ABAT: variants seen among roughly 807,000 people sequenced by gnomAD.
ABAT encodes the protein 4-aminobutyrate aminotransferase.
Under a neutral mutation model 64.6 loss-of-function variants are expected in ABAT, and 45 were observed. The ratio of observed to expected loss-of-function variants is 0.70; its 90% CI spans 0.55 to 0.89. The LOEUF (loss-of-function observed/expected upper bound fraction) is 0.89. Ranked by LOEUF, ABAT falls within the 40% of genes least tolerant of loss-of-function variation. The pLI is 0.00. For synonymous variants in ABAT, 297 were observed against 250.5 expected (o/e 1.19, Z -1.75); for missense variants, 633 against 658.4 (o/e 0.96, Z 0.42).
At chr16:8,740,733 A>C (rs903234968) in intron 2 of ABAT, among the ~76,000 whole-genome samples, 1 of 152,262 alleles carries the variant, frequency 6.6e-6, no homozygotes, top group Non-Finnish European at 1.5e-5. Context: ...TTATGTTGGT[A>C]AATAGAATAC....
At chr16:8,735,095 A>C (rs2058876305) in intron 1 of ABAT, among the ~76,000 whole-genome samples, 1 of 149,268 alleles carries the variant, frequency 6.7e-6, no homozygotes, top group African/African-American at 2.5e-5. Flanking sequence ...AGTCCCAGCT[A>C]CTCAGGAGGC....
At chr16:8,756,634 T>C (rs2059656972) in intron 5 of ABAT, among the ~76,000 whole-genome samples, 1 of 152,230 alleles carries the variant, frequency 6.6e-6, no homozygotes, top group Non-Finnish European at 1.5e-5. Flanking sequence ...CATACACATA[T>C]CCTGTGTCTC....
chr16:8,748,330 T>G (rs564385964), intron 4 of ABAT, among the ~76,000 whole-genome samples, 193 bp downstream of exon 4: 78 of 152,362 alleles, frequency 5.1e-4, no homozygotes, highest in Middle Eastern at 3.4e-3. Context: ...ATTTCTACGC[T>G]TTGGTAAATT....
At chr16:8,685,853 C>A (rs1399888302) in intron 1 of ABAT, among the ~76,000 whole-genome samples, 1 of 152,130 alleles carries the variant, frequency 6.6e-6, no homozygotes, top group Non-Finnish European at 1.5e-5. Flanking sequence ...GACTCAGAGA[C>A]CCATAGGGAA....
intron 1 of ABAT, among the ~76,000 whole-genome samples, chr16:8,681,587 G>T (rs975950845): frequency 1.9e-4 from 29 of 149,664 alleles, no homozygotes; most frequent in African/African-American, 6.7e-4. Context: ...GAAATAGTTA[G>T]GTTGAAATGA....
chr16:8,770,548 TCCC>T (rs2060077042), intron 11 of ABAT, among the ~76,000 whole-genome samples: 1 of 152,158 alleles, frequency 6.6e-6, no homozygotes, highest in Non-Finnish European at 1.5e-5. Flanking sequence ...CAGGTGATCC[TCCC>T]ACCTCAGCTT....
intron 3 of ABAT, among the ~76,000 whole-genome samples, chr16:8,746,378 C>G (rs572979307): frequency 6.6e-6 from 1 of 150,950 alleles, no homozygotes; most frequent in Non-Finnish European, 1.5e-5. Context: ...CATACTGAAA[C>G]CCTGTCTGTA....
intron 2 of ABAT, among the ~76,000 whole-genome samples, chr16:8,743,691 T>C (rs973812019): frequency 1.9e-4 from 11 of 56,788 alleles, no homozygotes; most frequent in African/African-American, 5.6e-4. Flanking sequence ...TTAGTTATAA[T>C]ATATATTTTA....
chr16:8,681,469 T>C (rs2057332191), intron 1 of ABAT, among the ~76,000 whole-genome samples: 1 of 150,244 alleles, frequency 6.7e-6, no homozygotes. Flanking sequence ...TTTTTTTTTT[T>C]TTTTTGAGAG....
intron 1 of ABAT, among the ~76,000 whole-genome samples, chr16:8,690,093 A>G (rs930203685): frequency 5.3e-5 from 8 of 152,186 alleles, no homozygotes; most frequent in African/African-American, 1.2e-4. Flanking sequence ...CATCAGTTTT[A>G]TTAAGCTTCA....
chr16:8,772,310 T>G (rs1022378879), intron 11 of ABAT, among the ~76,000 whole-genome samples: 1 of 148,046 alleles, frequency 6.8e-6, no homozygotes, highest in East Asian at 2.0e-4. Flanking sequence ...GTGTGAATGC[T>G]CTCACCTTTA....
rs769723691 is a variant in ABAT at position 8,772,744 on chromosome 16, C to T, written c.817-36C>T. ...ACCCACGGATACTGGTCACAAGCCT[C>T]TGCCATCGGTGGTCACTTTCCCCTT... On this transcript the variant is annotated intron_variant, in intron 11 of 15. Transcript: ENST00000268251. 8.7e-6 allele frequency: 14 copies of T among 1,613,838 alleles called. No homozygotes were observed. The East Asian group carries it at 3.1e-4, about 36-fold the overall frequency.
Position 8,764,597 on chromosome 16 carries a change from T to G in ABAT, c.448-141T>G. ...CCCCTGGAAAAGCCTGAGCCCACCC[T>G]CCCAGTCCGACACCTTCCAGGACAG... is the stretch of plus-strand genomic sequence containing the variant. On this transcript the variant is annotated intron_variant, in intron 7 of 15. Transcript: ENST00000268251. The surrounding 1 kb of genome is among the most constrained non-coding windows in gnomAD (Gnocchi z 4.2). 1 of 827,160 alleles carries G rather than the reference T, an allele frequency of 1.2e-6. No homozygotes were observed. Among genetic ancestry groups the G allele is most frequent in the South Asian group, 1.4e-5 (1 of 69,672 alleles). The allele number at this position is 827,160 out of a possible 1,614,324, so 51.2% of individuals were successfully genotyped here. A position where few individuals can be genotyped will look rare whatever the true frequency, so the allele number is the denominator to read the frequency against.
At chr16:8,721,586 C>T (rs970108512) in intron 1 of ABAT, among the ~76,000 whole-genome samples, 1 of 152,130 alleles carries the variant, frequency 6.6e-6, no homozygotes, top group African/African-American at 2.4e-5. Context: ...GGTTTTATAA[C>T]GCCAGCCAAT....
chr16:8,781,248 A>G lies in ABAT; in HGVS notation c.1382-61A>G. Reference sequence around the variant, plus strand: ...TGCCAACAGGCATCACTTTCCCCCCAGCTCTCCCAGCATGTGACTTTGAGA... The same window carrying G: ...TGCCAACAGGCATCACTTTCCCCCCGGCTCTCCCAGCATGTGACTTTGAGA... On this transcript the variant is annotated intron_variant, in intron 15 of 15. Coordinates refer to ENST00000268251, the MANE Select transcript of ABAT (RefSeq NM_020686.6). The surrounding 1 kb of genome is among the most constrained non-coding windows in gnomAD (Gnocchi z 4.5). 2 of 1,612,358 alleles carry G rather than the reference A, an allele frequency of 1.2e-6. No homozygotes were observed. The highest frequency in any genetic ancestry group is 1.1e-5 in the South Asian group (1 of 91,020).
intron 15 of ABAT, chr16:8,780,890 G>C (rs906666970): frequency 4.5e-6 from 2 of 441,114 alleles, no homozygotes; most frequent in African/African-American, 4.0e-5. Flanking sequence ...CCTCACACAT[G>C]CTTCCGACTC....
chr16:8,727,575 T>C (rs901502166), intron 1 of ABAT, among the ~76,000 whole-genome samples: 4 of 152,244 alleles, frequency 2.6e-5, no homozygotes, highest in Admixed American at 6.5e-5. Flanking sequence ...TTCTATCTTA[T>C]GCAGAATTTG....
rs777699903 is a variant in ABAT at position 8,746,074 on chromosome 16, G to A, written c.144G>A (p.Thr48=). The A allele has an allele frequency of 9.9e-6, 16 of 1,613,518 alleles. No homozygotes were observed. Among genetic ancestry groups the A allele is most frequent in the Admixed American group, 6.7e-5 (4 of 59,996 alleles). ...EFDYDGPLMK[T]EVPGPRSQEL... ...ATTATGATGGGCCTCTGATGAAGAC[G>A]GAAGTCCCAGGGCCTAGATCTCAGG... Residue 48 remains threonine (T), a synonymous_variant, in exon 3 of 16, where the codon ACG becomes ACA. Coordinates refer to ENST00000268251, the MANE Select transcript of ABAT (RefSeq NM_020686.6).
intron 2 of ABAT, among the ~76,000 whole-genome samples, chr16:8,741,697 A>G (rs2059166264): frequency 6.6e-6 from 1 of 152,218 alleles, no homozygotes; most frequent in Non-Finnish European, 1.5e-5. Flanking sequence ...CATCATTAAG[A>G]GAATATTCAT....
Sources: gnomAD v4.1 joint callset for allele counts (sites outside exome capture counted in the v4.1 genomes callset) on GRCh38, gnomAD v4.1.1 for gene constraint, Gnocchi (gnomAD v3.1) non-coding constraint, MANE v1.5 for transcripts, NCBI Gene and HGNC (gene_info 2026-07-23, HGNC 2026-07-21) for gene names.